The following WDR11 variants were observed in gnomAD, a reference collection of about 807,000 sequenced individuals.
WDR11 encodes WD repeat-containing protein 11.
In WDR11, 83 loss-of-function variants were observed where a neutral mutation model predicts 151.2. The ratio of observed to expected loss-of-function variants is 0.55; its 90% confidence interval spans 0.46 to 0.66. WDR11 has a LOEUF of 0.66. WDR11 is among the 30% of genes least tolerant of loss of function. WDR11 has a pLI of 0.00. For synonymous variants in WDR11, 484 were observed against 533.1 expected (o/e 0.91, Z 1.27); for missense variants, 1,301 against 1,480.9 (o/e 0.88, Z 1.99).
At chr10:120,858,065 G>T (rs544639262) in intron 2 of WDR11, among the ~76,000 whole-genome samples, 13 of 151,684 alleles carry the variant, frequency 8.6e-5, no homozygotes, top group Admixed American at 1.3e-4. Context: ...AATCAGATTT[G>T]CCCTGGAGTT....
At chr10:120,873,002 A>C (rs576410214) in intron 10 of WDR11, among the ~76,000 whole-genome samples, 86 of 152,282 alleles carry the variant, frequency 5.6e-4, no homozygotes, top group African/African-American at 1.9e-3. Flanking sequence ...TTTCTTGCTT[A>C]ACTTATAAAA....
In WDR11 at chr10:120,895,687, CTTTA is replaced by C. The variant is rs1847589170; in HGVS notation, c.2516-4336_2516-4333del. ...CTTCAACATATGAAATGATACTCAACTTTATTTATAATAAGAAAAATATTTGACC... is the reference window on the plus strand; with the variant it reads ...CTTCAACATATGAAATGATACTCAACTTTATAATAAGAAAAATATTTGACC... On this transcript the variant is annotated intron_variant, in intron 19 of 28. Transcript: ENST00000263461. 4.6e-5 allele frequency among the ~76,000 whole-genome samples: 7 copies of C among 152,116 alleles called. No individual in the cohort carries two copies. In the South Asian group the frequency reaches 1.5e-3, roughly 32 times the overall value.
chr10:120,873,907 C>CA lies in WDR11; in HGVS notation c.1541dup (p.His514GlnfsTer4). 6.2e-7 allele frequency: 1 copy of CA among 1,611,508 alleles called. No individual in the cohort carries two copies. The highest frequency in any genetic ancestry group is 8.5e-7 in the Non-Finnish European group (1 of 1,177,888). ...TCTGCTACACAAAGAGTTAAGCATC[C>CA]ACTCATGTGAAGTCAAGTAAGTATG... On this transcript the variant is annotated frameshift_variant, in exon 11 of 29. Transcript: ENST00000263461. LOFTEE classifies it high-confidence loss of function.
At position 120,859,805 on chromosome 10, in the gene WDR11, T is replaced by C. The variant is rs144087159; in HGVS notation, c.353-304T>C. Among the ~76,000 whole-genome samples, 478 of 152,250 alleles carry C rather than the reference T, an allele frequency of 3.1e-3. 2 individuals are homozygous for C. The highest frequency in any genetic ancestry group is 0.011 in the African/African-American group (458 of 41,540). On this transcript the variant is annotated intron_variant, in intron 3 of 28. Transcript: ENST00000263461. ...TGGTTGTGGCTAAGAGAGTTTCATA[T>C]TGATTTTATAGTTTTAAGTAATGAT...
rs1590129336 is a variant in WDR11, at chr10:120,908,275, T to TGTGGG, written c.3518-281_3518-280insGTGGG. On this transcript the variant is annotated intron_variant, in intron 28 of 28. Coordinates refer to ENST00000263461, the MANE Select transcript of WDR11 (RefSeq NM_018117.12). ...TTCCAATCTTCAGTTGAGTGTAGGT[T>TGTGGG]ATGGGAGGATGTTGGTTGGGTCTTC... The TGTGGG allele has an allele frequency of 4.7e-5, 19 of 400,038 alleles. No individual in the cohort carries two copies. The East Asian group carries it at 6.2e-4, about 13-fold the overall frequency. 24.8% of individuals were successfully genotyped at this position (400,038 alleles called of 1,614,324 possible).
rs1846090442 is a variant in WDR11, at chr10:120,860,103, T to C, written c.353-6T>C. On this transcript the variant is annotated splice_polypyrimidine_tract_variant and splice_region_variant and intron_variant, in intron 3 of 28. Coordinates refer to ENST00000263461, the MANE Select transcript of WDR11 (RefSeq NM_018117.12). ...AATTTTGCCTTTCTTTATCGGGTCTTTCCAGATGTTCAGTGGTTGTGGAAT... is the reference window on the plus strand; with the variant it reads ...AATTTTGCCTTTCTTTATCGGGTCTCTCCAGATGTTCAGTGGTTGTGGAAT... 2 of 1,614,170 alleles carry C rather than the reference T, an allele frequency of 1.2e-6. No individual in the cohort carries two copies. Among genetic ancestry groups the C allele is most frequent in the East Asian group, 4.5e-5 (2 of 44,872 alleles).
chr10:120,852,388 AT>A (rs1250058732), intron 1 of WDR11, 135 bp from the exon 2 acceptor site: 2 of 734,786 alleles, frequency 2.7e-6, no homozygotes, highest in Non-Finnish European at 4.8e-6. Context: ...ATAATGATAA[AT>A]ACTGGCCTTT....
chr10:120,896,503 G>T (rs1363654993), intron 19 of WDR11, among the ~76,000 whole-genome samples: 1 of 152,166 alleles, frequency 6.6e-6, no homozygotes. Context: ...ACCAAACTGT[G>T]TAACAACAAT....
chr10:120,871,453 GAT>G, intron 10 of WDR11, 107 bp downstream of exon 10: 2 of 1,198,548 alleles, frequency 1.7e-6, no homozygotes, highest in Non-Finnish European at 1.2e-6. Flanking sequence ...TTTAAAAGGA[GAT>G]AGAGACTAAG....
At chr10:120,879,824 T>C (rs1458061925) in intron 12 of WDR11, 2 of 152,216 alleles carry the variant, frequency 1.3e-5, no homozygotes. Flanking sequence ...TGTCCTTGAA[T>C]TGAGTATGTT....
intron 19 of WDR11, among the ~76,000 whole-genome samples, chr10:120,893,917 C>G (rs1032298661): frequency 4.6e-5 from 7 of 151,816 alleles, no homozygotes; most frequent in African/African-American, 1.7e-4. Context: ...GGATATTAGC[C>G]CTTCGTCAGA....
intron 27 of WDR11, 156 bp downstream of exon 27, chr10:120,906,177 G>T: frequency 6.6e-7 from 1 of 1,524,996 alleles, no homozygotes. Flanking sequence ...GAATGGAACT[G>T]TCCGTATTCA....
intron 8 of WDR11, 72 bp downstream of exon 8, chr10:120,866,836 A>G: frequency 6.5e-7 from 1 of 1,549,366 alleles, no homozygotes; most frequent in Non-Finnish European, 8.9e-7. Flanking sequence ...TTCCATAATC[A>G]TAAAAATAGG....
At chr10:120,895,295 G>A (rs1439467) in intron 19 of WDR11, among the ~76,000 whole-genome samples, 56,544 of 151,828 alleles carry the variant, frequency 0.37, 10,623 homozygotes, top group Admixed American at 0.44. Flanking sequence ...ATATACATAT[G>A]CTATCTAAAA....
chr10:120,908,931 A>G lies in WDR11; in HGVS notation c.*218A>G. 1 of 581,962 alleles carries G rather than the reference A, an allele frequency of 1.7e-6. No individual in the cohort carries two copies. Among genetic ancestry groups the G allele is most frequent in the East Asian group, 2.9e-5 (1 of 34,182 alleles). 36.0% of individuals were successfully genotyped at this position (581,962 alleles called of 1,614,324 possible). A position where few individuals can be genotyped will look rare whatever the true frequency, so the allele number is the denominator to read the frequency against. ...GTCTCAGAAAGAACGTGAATGCTTA[A>G]GATTTTGAAAGTACATAATATTTTA... On this transcript the variant is annotated 3_prime_UTR_variant, in exon 29 of 29. Transcript: ENST00000263461.
chr10:120,885,751 C>T lies in WDR11; in HGVS notation c.1849-63C>T, dbSNP rs1398021528. ...GCAGTGGTGTGTGTGCCCAGCTCTT[C>T]TGGACGATTCTTTGACAGAAGGAAA... On this transcript the variant is annotated intron_variant, in intron 14 of 28. Coordinates refer to ENST00000263461, the MANE Select transcript of WDR11 (RefSeq NM_018117.12). 38 of 1,606,472 alleles carry T rather than the reference C, an allele frequency of 2.4e-5. No individual in the cohort carries two copies. The Middle Eastern group carries it at 5.0e-4, about 21-fold the overall frequency.
intron 10 of WDR11, among the ~76,000 whole-genome samples, chr10:120,872,314 A>C (rs1208222774): frequency 6.6e-6 from 1 of 152,216 alleles, no homozygotes; most frequent in Non-Finnish European, 1.5e-5. Context: ...TTTTTGCTTT[A>C]GAAACTGTTG....
At chr10:120,882,911 T>C (rs966252289) in intron 13 of WDR11, among the ~76,000 whole-genome samples, 14 of 151,896 alleles carry the variant, frequency 9.2e-5, no homozygotes, top group Non-Finnish European at 2.1e-4. Flanking sequence ...ACTTAGATAA[T>C]TGAATTAAGT....
chr10:120,859,257 ATTCTTTTTTTTT>A lies in WDR11; in HGVS notation c.352+476_352+487del, dbSNP rs1273451104. ...GTTACTGACCTAAAACCAGTACGGT[ATTCTTTTTTTTT>A]TTCTTTTTTTTTTTTTGAGATGGAG... On this transcript the variant is annotated intron_variant, in intron 3 of 28. Coordinates refer to ENST00000263461, the MANE Select transcript of WDR11 (RefSeq NM_018117.12). Among the ~76,000 whole-genome samples the A allele has an allele frequency of 1.7e-3, 240 of 145,330 alleles. 1 individual carries two copies. The highest frequency in any genetic ancestry group is 5.8e-3 in the African/African-American group (229 of 39,240).
Sources: allele counts gnomAD v4.1 joint callset (sites outside exome capture counted in the v4.1 genomes callset), GRCh38; gene constraint gnomAD v4.1.1; transcripts MANE v1.5; gene names NCBI Gene and HGNC (gene_info 2026-07-23, HGNC 2026-07-21).